Variants in GALNTL6 observed in about 807,000 individuals in gnomAD.
GALNTL6 encodes polypeptide N-acetylgalactosaminyltransferase like 6, also known as polypeptide N-acetylgalactosaminyltransferase-like 6.
A neutral mutation model predicts 73.7 loss-of-function variants in GALNTL6; 46 were observed. That is an observed-to-expected ratio of 0.62 (90% confidence interval 0.49 to 0.80). The LOEUF (loss-of-function observed/expected upper bound fraction) is 0.80, where lower values mean the gene tolerates loss of function less well. GALNTL6 is among the 30% of genes least tolerant of loss of function. The pLI, the probability that GALNTL6 is intolerant of heterozygous loss-of-function variation, is 0.00. For synonymous variants in GALNTL6, 259 were observed against 263.7 expected (o/e 0.98, Z 0.17); for missense variants, 604 against 755.0 (o/e 0.80, Z 2.34).
chr4:172,293,760 T>A (rs1739556378), intron 3 of GALNTL6, among the ~76,000 whole-genome samples: 1 of 151,510 alleles, frequency 6.6e-6, no homozygotes, highest in African/African-American at 2.4e-5. Flanking sequence ...CAAAACATTT[T>A]GCATAAATTA....
intron 10 of GALNTL6, among the ~76,000 whole-genome samples, chr4:172,973,160 A>G (rs1750658490): frequency 6.6e-6 from 1 of 152,228 alleles, no homozygotes; most frequent in African/African-American, 2.4e-5. Context: ...TCATTAGATA[A>G]TAAAACCTTA....
At chr4:172,899,386 C>T (rs1746502757) in intron 8 of GALNTL6, among the ~76,000 whole-genome samples, 1 of 152,202 alleles carries the variant, frequency 6.6e-6, no homozygotes, top group South Asian at 2.1e-4. Flanking sequence ...TTCCCCATCA[C>T]TCAAACGTAT....
At chr4:171,967,905 C>T (rs142286217) in intron 2 of GALNTL6, among the ~76,000 whole-genome samples, 1 of 152,186 alleles carries the variant, frequency 6.6e-6, no homozygotes, top group African/African-American at 2.4e-5. Flanking sequence ...ACAGAATCTC[C>T]CCAGAAATTG....
At chr4:172,282,076 GCT>G (rs1290222572) in intron 3 of GALNTL6, among the ~76,000 whole-genome samples, 2 of 152,050 alleles carry the variant, frequency 1.3e-5, no homozygotes, top group Non-Finnish European at 2.9e-5. Context: ...TATAATTAAA[GCT>G]TCTGTTCATC....
chr4:172,077,374 A>T (rs1048755383), intron 2 of GALNTL6, among the ~76,000 whole-genome samples: 1 of 152,102 alleles, frequency 6.6e-6, no homozygotes, highest in African/African-American at 2.4e-5. Context: ...TGATATGGAC[A>T]GTGAAGTACA....
chr4:172,230,718 A>C (rs549640163), intron 3 of GALNTL6, among the ~76,000 whole-genome samples: 1 of 152,190 alleles, frequency 6.6e-6, no homozygotes, highest in African/African-American at 2.4e-5. Flanking sequence ...TAGGAAGCCC[A>C]TATTCTCTTA....
At chr4:172,869,406 T>C (rs1483551190) in intron 7 of GALNTL6, among the ~76,000 whole-genome samples, 1 of 152,012 alleles carries the variant, frequency 6.6e-6, no homozygotes, top group Non-Finnish European at 1.5e-5. Flanking sequence ...TCAGGAAAGA[T>C]CTACAAGGGA....
At chr4:172,250,252 G>A (rs910501594) in intron 3 of GALNTL6, among the ~76,000 whole-genome samples, 1 of 152,030 alleles carries the variant, frequency 6.6e-6, no homozygotes, top group South Asian at 2.1e-4. Context: ...TTGGAGTGGG[G>A]GTATTTCCCC....
intron 4 of GALNTL6, among the ~76,000 whole-genome samples, chr4:172,345,364 G>C (rs574282727): frequency 1.3e-5 from 2 of 152,222 alleles, no homozygotes; most frequent in African/African-American, 4.8e-5. Context: ...CAACTAATTA[G>C]GATGAGACCA....
intron 5 of GALNTL6, among the ~76,000 whole-genome samples, chr4:172,777,075 T>C (rs2110884428): frequency 6.6e-6 from 1 of 152,292 alleles, no homozygotes; most frequent in Middle Eastern, 3.4e-3. Flanking sequence ...GATTTACTCT[T>C]AGTTCATTAG....
In GALNTL6 at chr4:171,829,416, C is replaced by T. The variant is rs1734907320; in HGVS notation, c.138+14698C>T. 2.6e-5 allele frequency among the ~76,000 whole-genome samples: 4 copies of T among 152,044 alleles called. No individual in the cohort carries two copies. In the South Asian group the frequency reaches 8.3e-4, roughly 32 times the overall value. ...GGACTCTTACAGCTTCAGATAAAAG[C>T]TTGTTTTCTTTGATACAGCTTACCC... On this transcript the variant is annotated intron_variant, in intron 2 of 12. Coordinates refer to ENST00000506823, the MANE Select transcript of GALNTL6 (RefSeq NM_001034845.3).
intron 5 of GALNTL6, among the ~76,000 whole-genome samples, chr4:172,415,728 AG>A (rs1272301077): frequency 6.6e-6 from 1 of 152,048 alleles, no homozygotes; most frequent in Non-Finnish European, 1.5e-5. Context: ...GTCCCTTTTA[AG>A]GGCTTGCAAC....
In GALNTL6 at chr4:171,814,593, C is replaced by G. The variant is rs1230729704; in HGVS notation, c.13C>G (p.Gln5Glu). The change falls in exon 2 of 13, where the codon CAG becomes GAG. Residue 5 changes from glutamine to glutamate, a missense_variant. Physicochemically the swap from Gln to Glu is conservative, Grantham distance 29. Coordinates refer to ENST00000506823, the MANE Select transcript of GALNTL6 (RefSeq NM_001034845.3). MKRK[Q>E]KRFLQMTLLF... ...GTTACCATTTGCAATGAAGAGGAAA[C>G]AGAAGAGATTTCTGCAGATGACTTT... 7 of 1,613,898 alleles carry G rather than the reference C, an allele frequency of 4.3e-6. No homozygotes were observed. The highest frequency in any genetic ancestry group is 5.9e-6 in the Non-Finnish European group (7 of 1,179,974).
chr4:172,093,997 C>T (rs978170833), intron 2 of GALNTL6, among the ~76,000 whole-genome samples: 6 of 152,144 alleles, frequency 3.9e-5, no homozygotes, highest in South Asian at 2.1e-4. Context: ...TCCACTGCCC[C>T]GGTCTGTGGA....
chr4:172,130,940 T>A (rs1190794303), intron 2 of GALNTL6, among the ~76,000 whole-genome samples: 5 of 152,102 alleles, frequency 3.3e-5, no homozygotes, highest in Non-Finnish European at 7.4e-5. Flanking sequence ...CTATGCACCC[T>A]CTATCTACTC....
intron 3 of GALNTL6, among the ~76,000 whole-genome samples, chr4:172,273,887 T>C (rs1259982512): frequency 6.6e-6 from 1 of 152,182 alleles, no homozygotes; most frequent in Non-Finnish European, 1.5e-5. Flanking sequence ...CCAATTTGCA[T>C]TTTAAGCAGA....
intron 5 of GALNTL6, among the ~76,000 whole-genome samples, chr4:172,501,532 C>T (rs1734259648): frequency 1.3e-5 from 2 of 152,048 alleles, no homozygotes; most frequent in African/African-American, 4.8e-5. Flanking sequence ...AATTCATCAT[C>T]AGTCAGAATG....
At chr4:172,567,877 G>GT (rs1736616153) in intron 5 of GALNTL6, among the ~76,000 whole-genome samples, 1 of 152,124 alleles carries the variant, frequency 6.6e-6, no homozygotes, top group African/African-American at 2.4e-5. Context: ...TCTATGGGTT[G>GT]TTTATTGGTG....
intron 2 of GALNTL6, among the ~76,000 whole-genome samples, chr4:171,948,145 A>G (rs1578997619): frequency 7.6e-6 from 1 of 131,884 alleles, no homozygotes; most frequent in Admixed American, 8.6e-5. Context: ...TAGAAAGAAA[A>G]TGATCTTTAA....
Sources: gnomAD v4.1 joint callset for allele counts (sites outside exome capture counted in the v4.1 genomes callset) on GRCh38, gnomAD v4.1.1 for gene constraint, MANE v1.5 for transcripts, NCBI Gene and HGNC (gene_info 2026-07-23, HGNC 2026-07-21) for gene names.